ROR1: variants seen among roughly 807,000 people sequenced by gnomAD.
ROR1 encodes the protein ROR family WNT receptor 1.
In ROR1, 19 loss-of-function variants were observed where a neutral mutation model predicts 78.8. The ratio of observed to expected loss-of-function variants is 0.24; its 90% CI spans 0.17 to 0.35. The LOEUF is 0.35. Among genes scored for constraint, ROR1 ranks in the 10% least tolerant of loss-of-function variants. ROR1 has a pLI of 1.00. For synonymous variants in ROR1, 386 were observed against 433.6 expected (o/e 0.89, Z 1.36); for missense variants, 917 against 1,177.8 (o/e 0.78, Z 3.24).
chr1:63,803,725 T>G (rs756896669), intron 1 of ROR1, among the ~76,000 whole-genome samples: 7 of 152,238 alleles, frequency 4.6e-5, no homozygotes, highest in African/African-American at 4.8e-5. Context: ...TGAAAACTTA[T>G]GTCCACATAA....
chr1:63,979,704 G>A (rs1646192353), intron 1 of ROR1, among the ~76,000 whole-genome samples: 1 of 152,140 alleles, frequency 6.6e-6, no homozygotes, highest in South Asian at 2.1e-4. Flanking sequence ...GGGGCACAGA[G>A]CTGGGCAAGG....
At chr1:64,117,553 A>G (rs978710658) in intron 4 of ROR1, among the ~76,000 whole-genome samples, 1 of 152,200 alleles carries the variant, frequency 6.6e-6, no homozygotes, top group Non-Finnish European at 1.5e-5. Flanking sequence ...CACCTGCTGC[A>G]TGCCACACAC....
chr1:64,047,385 G>A (rs186533403), intron 2 of ROR1, among the ~76,000 whole-genome samples: 59 of 152,312 alleles, frequency 3.9e-4, no homozygotes, highest in Middle Eastern at 6.8e-3. Context: ...AGTTCCCTCA[G>A]ATGGAGCCCT....
intron 1 of ROR1, among the ~76,000 whole-genome samples, chr1:63,798,927 C>T (rs1006647575): frequency 6.6e-6 from 1 of 152,154 alleles, no homozygotes; most frequent in Non-Finnish European, 1.5e-5. Flanking sequence ...TTTTTGGTGT[C>T]AGCACCATAC....
intron 4 of ROR1, among the ~76,000 whole-genome samples, chr1:64,068,121 G>T (rs972638844): frequency 6.6e-6 from 1 of 152,128 alleles, no homozygotes. Flanking sequence ...TTTACAAAAT[G>T]CTGTCAATTA....
intron 1 of ROR1, among the ~76,000 whole-genome samples, chr1:63,868,980 G>A (rs575136443): frequency 3.5e-4 from 53 of 152,300 alleles, no homozygotes; most frequent in Non-Finnish European, 6.2e-4. Flanking sequence ...CAACAGTTGT[G>A]TATTTCTTTC....
At chr1:64,071,042 C>T (rs760153239) in intron 4 of ROR1, among the ~76,000 whole-genome samples, 2 of 152,180 alleles carry the variant, frequency 1.3e-5, no homozygotes, top group Non-Finnish European at 2.9e-5. Context: ...GAACAAAGAC[C>T]ATGACATGGA....
chr1:63,957,726 C>CT (rs1201850103), intron 1 of ROR1, among the ~76,000 whole-genome samples: 1 of 151,038 alleles, frequency 6.6e-6, no homozygotes, highest in African/African-American at 2.4e-5. Flanking sequence ...ATTGATAACC[C>CT]TTTTTTTGTT....
chr1:63,869,253 G>T (rs1011506118), intron 1 of ROR1, among the ~76,000 whole-genome samples: 1 of 152,182 alleles, frequency 6.6e-6, no homozygotes, highest in African/African-American at 2.4e-5. Flanking sequence ...TATGGCAGTT[G>T]TTACTATTAC....
intron 2 of ROR1, among the ~76,000 whole-genome samples, chr1:64,022,073 T>C (rs1298360312): frequency 6.6e-6 from 1 of 152,128 alleles, no homozygotes; most frequent in Non-Finnish European, 1.5e-5. Context: ...TAAAAAGGAA[T>C]GAAGTTCTGA....
intron 1 of ROR1, among the ~76,000 whole-genome samples, chr1:63,951,284 G>A (rs1353064242): frequency 6.6e-6 from 1 of 152,184 alleles, no homozygotes; most frequent in Non-Finnish European, 1.5e-5. Context: ...TTGCAGCAAA[G>A]CTTTTTAGAG....
chr1:64,166,550 C>A (rs1443131544), intron 8 of ROR1, among the ~76,000 whole-genome samples: 1 of 152,120 alleles, frequency 6.6e-6, no homozygotes, highest in African/African-American at 2.4e-5. Context: ...GTTTTGACTA[C>A]AGCTCTTTTA....
intron 1 of ROR1, among the ~76,000 whole-genome samples, chr1:63,926,736 G>A (rs1286552928): frequency 2.7e-5 from 3 of 111,198 alleles, no homozygotes; most frequent in African/African-American, 9.2e-5. Flanking sequence ...TCCCTTGTAA[G>A]TTGGATTCCT....
intron 1 of ROR1, among the ~76,000 whole-genome samples, chr1:63,809,884 T>C (rs765235516): frequency 1.2e-4 from 19 of 152,188 alleles, no homozygotes; most frequent in Non-Finnish European, 2.4e-4. Flanking sequence ...GAAGGTGCAT[T>C]GACATGTTGG....
chr1:64,026,542 A>T (rs748723086), intron 2 of ROR1, among the ~76,000 whole-genome samples: 1 of 152,144 alleles, frequency 6.6e-6, no homozygotes, highest in Non-Finnish European at 1.5e-5. Flanking sequence ...GAAAGCCAAA[A>T]TATATCTGTA....
At chr1:64,074,872 A>T (rs1647036520) in intron 4 of ROR1, among the ~76,000 whole-genome samples, 1 of 152,240 alleles carries the variant, frequency 6.6e-6, no homozygotes, top group Non-Finnish European at 1.5e-5. Flanking sequence ...AATGAAGATA[A>T]ATAATAACCT....
intron 1 of ROR1, among the ~76,000 whole-genome samples, chr1:63,795,898 G>T (rs1644756926): frequency 1.3e-5 from 2 of 152,214 alleles, no homozygotes; most frequent in South Asian, 4.1e-4. Flanking sequence ...AGGTTTTGGA[G>T]ATGGGGGTGG....
At chr1:63,960,185 G>T (rs1009052814) in intron 1 of ROR1, among the ~76,000 whole-genome samples, 4 of 152,172 alleles carry the variant, frequency 2.6e-5, no homozygotes, top group African/African-American at 9.7e-5. Context: ...ACTCATTGTT[G>T]AATGAAAGAG....
Position 63,774,347 on chromosome 1 carries a change from C to G in ROR1, c.-71C>G. On this transcript the variant is annotated 5_prime_UTR_variant, in exon 1 of 9. Transcript: ENST00000371079. This position sits in a 1 kb window ranked among gnomAD's most constrained non-coding sequence, Gnocchi z 5.7. Reference sequence around the variant, plus strand: ...GGCCGGGACGAGGCGGCCGGGAGCCCGGGAAGAGCCCGTGGATGTTCTGCG... The same window carrying G: ...GGCCGGGACGAGGCGGCCGGGAGCCGGGGAAGAGCCCGTGGATGTTCTGCG... 2 of 1,041,890 alleles carry G rather than the reference C, an allele frequency of 1.9e-6. No individual in the cohort carries two copies. The highest frequency in any genetic ancestry group is 1.7e-5 in the South Asian group (1 of 58,444). 64.5% of individuals were successfully genotyped at this position (1,041,890 alleles called of 1,614,324 possible).
Sources: gnomAD v4.1 joint callset for allele counts (sites outside exome capture counted in the v4.1 genomes callset) on GRCh38, gnomAD v4.1.1 for gene constraint, Gnocchi (gnomAD v3.1) non-coding constraint, MANE v1.5 for transcripts, NCBI Gene and HGNC (gene_info 2026-07-23, HGNC 2026-07-21) for gene names.